The following NUDCD1 variants were observed in gnomAD, a reference collection of about 807,000 sequenced individuals.
The protein encoded by NUDCD1 is nudC domain-containing protein 1.
A neutral mutation model predicts 67.8 loss-of-function variants in NUDCD1; 60 were observed. The ratio of observed to expected loss-of-function variants is 0.88; its 90% confidence interval spans 0.72 to 1.10. The LOEUF is 1.10. NUDCD1 is among the 50% of genes least tolerant of loss of function. NUDCD1 has a pLI of 0.00. For synonymous variants in NUDCD1, 244 were observed against 230.8 expected (o/e 1.06, Z -0.52); for missense variants, 643 against 695.0 (o/e 0.93, Z 0.84).
At chr8:109,243,692 A>AT (rs1246620221) in intron 9 of NUDCD1, among the ~76,000 whole-genome samples, 1 of 152,110 alleles carries the variant, frequency 6.6e-6, no homozygotes, top group Non-Finnish European at 1.5e-5. Flanking sequence ...TCACAGAACC[A>AT]TTTTTTTCCT....
chr8:109,298,928 CTG>C (rs1378912727), intron 2 of NUDCD1: 1 of 152,328 alleles, frequency 6.6e-6, no homozygotes, highest in Non-Finnish European at 1.5e-5. Flanking sequence ...ACCCCAAATA[CTG>C]TGAGTACCCA....
At chr8:109,316,421 A>C (rs994535183) in intron 2 of NUDCD1, 1 of 152,182 alleles carries the variant, frequency 6.6e-6, no homozygotes, top group Non-Finnish European at 1.5e-5. Flanking sequence ...ATTCACTTTT[A>C]CTACAACAGT....
intron 8 of NUDCD1, among the ~76,000 whole-genome samples, chr8:109,268,460 T>C (rs911776202): frequency 2.0e-5 from 3 of 152,134 alleles, no homozygotes; most frequent in Admixed American, 1.3e-4. Context: ...TATTTTGCCA[T>C]TGCTTGGTTT....
chr8:109,320,771 AGC>A (rs1265886346), intron 2 of NUDCD1, among the ~76,000 whole-genome samples: 1 of 152,204 alleles, frequency 6.6e-6, no homozygotes, highest in Non-Finnish European at 1.5e-5. Context: ...TAATTTGGGG[AGC>A]TAATATATGT....
intron 1 of NUDCD1, among the ~76,000 whole-genome samples, chr8:109,327,582 T>C (rs1220699790): frequency 6.6e-6 from 1 of 152,218 alleles, no homozygotes; most frequent in Non-Finnish European, 1.5e-5. Flanking sequence ...AGGTTAGTAA[T>C]ACTAATTGTA....
At chr8:109,288,497 C>A (rs1002352695) in intron 5 of NUDCD1, among the ~76,000 whole-genome samples, 1 of 152,126 alleles carries the variant, frequency 6.6e-6, no homozygotes, top group Non-Finnish European at 1.5e-5. Flanking sequence ...TAACAAAAAA[C>A]GAATCCCACA....
intron 8 of NUDCD1, among the ~76,000 whole-genome samples, chr8:109,245,803 T>C (rs1813480789): frequency 6.6e-6 from 1 of 152,166 alleles, no homozygotes; most frequent in Non-Finnish European, 1.5e-5. Flanking sequence ...TGTTAGTAAA[T>C]AGTTTAAAAC....
At chr8:109,249,129 TGG>T in intron 8 of NUDCD1, among the ~76,000 whole-genome samples, 1 of 152,332 alleles carries the variant, frequency 6.6e-6, no homozygotes, top group African/African-American at 2.4e-5. Flanking sequence ...CTTATAAATA[TGG>T]TAACTACTAC....
chr8:109,319,380 G>C (rs1815479410), intron 2 of NUDCD1, among the ~76,000 whole-genome samples: 1 of 152,176 alleles, frequency 6.6e-6, no homozygotes, highest in African/African-American at 2.4e-5. Context: ...CGAGCAACAA[G>C]AGACTATCTG....
At chr8:109,317,744 C>T (rs937911929) in intron 2 of NUDCD1, among the ~76,000 whole-genome samples, 7 of 152,146 alleles carry the variant, frequency 4.6e-5, no homozygotes, top group African/African-American at 1.7e-4. Context: ...TAAAGTGATA[C>T]CCCAAGGCAT....
intron 1 of NUDCD1, among the ~76,000 whole-genome samples, chr8:109,330,716 A>C (rs1257096291): frequency 6.6e-6 from 1 of 152,198 alleles, no homozygotes; most frequent in Non-Finnish European, 1.5e-5. Context: ...CATAAAAAGG[A>C]ACACAATCAT....
At chr8:109,301,937 T>C (rs1815000789) in intron 2 of NUDCD1, among the ~76,000 whole-genome samples, 1 of 152,046 alleles carries the variant, frequency 6.6e-6, no homozygotes, top group South Asian at 2.1e-4. Context: ...CAACATTCCT[T>C]TGGTGGCAAG....
At chr8:109,308,988 A>C (rs937663500) in intron 2 of NUDCD1, among the ~76,000 whole-genome samples, 1 of 141,214 alleles carries the variant, frequency 7.1e-6, no homozygotes, top group African/African-American at 2.7e-5. Context: ...AAAAAAAAAA[A>C]GTCCGGGACC....
chr8:109,241,167 C>T lies in NUDCD1; in HGVS notation c.*1842G>A, dbSNP rs150134278. On this transcript the variant is annotated 3_prime_UTR_variant, in exon 10 of 10. Coordinates refer to ENST00000239690, the MANE Select transcript of NUDCD1 (RefSeq NM_032869.4). ...TCATCTTTTAACGTAGGTCAACATG[C>T]GACAATATTTAGGATTAATTATCCT... is the stretch of plus-strand genomic sequence containing the variant. 5.1e-4 allele frequency: 77 copies of T among 151,960 alleles called. No individual in the cohort carries two copies. In the East Asian group the frequency reaches 5.4e-3, roughly 11 times the overall value. 9.4% of individuals were successfully genotyped at this position (151,960 alleles called of 1,614,324 possible).
At chr8:109,281,286 G>A (rs1266783964) in intron 5 of NUDCD1, 114 bp from the exon 6 acceptor site, 8 of 637,192 alleles carry the variant, frequency 1.3e-5, no homozygotes, top group African/African-American at 7.3e-5. Context: ...CTCACAAAAC[G>A]TAATTATAAA....
chr8:109,249,983 C>T (rs948872969), intron 8 of NUDCD1, among the ~76,000 whole-genome samples: 9 of 151,470 alleles, frequency 5.9e-5, no homozygotes, highest in Middle Eastern at 3.4e-3. Context: ...GTAGCTGGGA[C>T]GACAAGCACA....
At chr8:109,326,526 T>C (rs540790883) in intron 1 of NUDCD1, among the ~76,000 whole-genome samples, 2 of 152,028 alleles carry the variant, frequency 1.3e-5, no homozygotes, top group African/African-American at 2.4e-5. Context: ...TGCATAGATC[T>C]TTGTAAGGGT....
At chr8:109,262,070 C>T (rs1813874343) in intron 8 of NUDCD1, among the ~76,000 whole-genome samples, 1 of 152,210 alleles carries the variant, frequency 6.6e-6, no homozygotes, top group Non-Finnish European at 1.5e-5. Context: ...AAAGACTACT[C>T]ACTTCAGCCA....
intron 2 of NUDCD1, among the ~76,000 whole-genome samples, chr8:109,301,506 C>T (rs962066990): frequency 2.0e-5 from 3 of 152,178 alleles, no homozygotes; most frequent in Non-Finnish European, 4.4e-5. Flanking sequence ...CATTTGGTGC[C>T]GAAGACCCGG....
Sources: gnomAD v4.1 joint callset for allele counts (sites outside exome capture counted in the v4.1 genomes callset) on GRCh38, gnomAD v4.1.1 for gene constraint, MANE v1.5 for transcripts, NCBI Gene and HGNC (gene_info 2026-07-23, HGNC 2026-07-21) for gene names.